Variants in ZBBX observed in about 807,000 individuals in gnomAD.
ZBBX encodes the protein zinc finger B-box domain-containing protein 1.
Under a neutral mutation model 108.5 loss-of-function variants are expected in ZBBX, and 101 were observed. The observed-to-expected ratio is 0.93, with a 90% confidence interval of 0.79 to 1.10. ZBBX has a LOEUF of 1.10. Among genes scored for constraint, ZBBX ranks in the 50% least tolerant of loss-of-function variants. The pLI, the probability that ZBBX is intolerant of heterozygous loss-of-function variation, is 0.00. For missense variants in ZBBX, 1,009 were observed against 941.4 expected, an observed-to-expected ratio of 1.07 and a Z score of -0.94; for synonymous variants, 356 against 323.4, an observed-to-expected ratio of 1.10 and a Z score of -1.08.
chr3:167,373,973 G>C (rs933979904), intron 2 of ZBBX, among the ~76,000 whole-genome samples, 186 bp from the exon 3 acceptor site: 2 of 152,192 alleles, frequency 1.3e-5, no homozygotes, highest in African/African-American at 4.8e-5. Context: ...AACTAAAAGT[G>C]AAGGATACAT....
chr3:167,306,288 A>G (rs1253843296), intron 16 of ZBBX, among the ~76,000 whole-genome samples: 2 of 152,166 alleles, frequency 1.3e-5, no homozygotes, highest in Non-Finnish European at 2.9e-5. Context: ...AAATTTTACA[A>G]CAGTAATTCA....
intron 11 of ZBBX, among the ~76,000 whole-genome samples, chr3:167,327,462 T>C (rs1737600005): frequency 6.6e-6 from 1 of 152,150 alleles, no homozygotes; most frequent in African/African-American, 2.4e-5. Flanking sequence ...GGCCTATAAA[T>C]ATTAAACCAC....
intron 20 of ZBBX, among the ~76,000 whole-genome samples, chr3:167,260,380 T>G (rs1459589623): frequency 6.6e-6 from 1 of 152,220 alleles, no homozygotes. Flanking sequence ...TGTCTAGGTC[T>G]CTAGGAAGGC....
chr3:167,382,325 A>G (rs921302097), upstream of ZBBX, among the ~76,000 whole-genome samples: 4 of 152,192 alleles, frequency 2.6e-5, no homozygotes, highest in African/African-American at 9.7e-5. Context: ...GAAATGAAAC[A>G]TGTCAAAACA....
chr3:167,207,541 G>A, the ZBBX span, among the ~76,000 whole-genome samples: 1 of 152,066 alleles, frequency 6.6e-6, no homozygotes, highest in South Asian at 2.1e-4. Flanking sequence ...AAAATGTGGT[G>A]TATATATACA....
At chr3:167,370,986 G>A (rs1355627630) in intron 4 of ZBBX, among the ~76,000 whole-genome samples, 1 of 152,140 alleles carries the variant, frequency 6.6e-6, no homozygotes, top group African/African-American at 2.4e-5. Flanking sequence ...TAGGGGCTGA[G>A]AAAGAGGTCA....
In ZBBX at chr3:167,328,045, G is replaced by T. The variant is rs201280383; in HGVS notation, c.759C>A (p.Phe253Leu). 3.7e-6 allele frequency: 6 copies of T among 1,613,090 alleles called. No individual in the cohort carries two copies. The highest frequency in any genetic ancestry group is 5.1e-6 in the Non-Finnish European group (6 of 1,179,784). Residue 253 changes from phenylalanine to leucine, a missense_variant, in exon 11 of 22, where the codon TTC becomes TTA. Coordinates refer to ENST00000675490, the MANE Select transcript of ZBBX (RefSeq NM_001199201.2). ...AGGACTGTGCAGAAGCTTCTTCATC[G>T]AATGACCCTTCACACAACAGACTCT... ...PRKSLLCEGS[F>L]DEEASAQSFQ...
chr3:167,251,654 G>A (rs935730723), intron 20 of ZBBX, among the ~76,000 whole-genome samples: 2 of 152,072 alleles, frequency 1.3e-5, no homozygotes, highest in African/African-American at 4.8e-5. Context: ...TGTGTGTGTG[G>A]AGAGAGAGAT....
chr3:167,257,261 T>C (rs547910485), intron 20 of ZBBX, among the ~76,000 whole-genome samples: 1 of 152,320 alleles, frequency 6.6e-6, no homozygotes, highest in East Asian at 1.9e-4. Context: ...TATGTTGATT[T>C]TGTATCCTGC....
the ZBBX span, among the ~76,000 whole-genome samples, chr3:167,181,836 G>A: frequency 6.6e-6 from 1 of 152,098 alleles, no homozygotes. Flanking sequence ...TAATCCTACT[G>A]TCCCCGCTGG....
At chr3:167,296,989 T>C (rs1429822836) in intron 18 of ZBBX, among the ~76,000 whole-genome samples, 3 of 152,014 alleles carry the variant, frequency 2.0e-5, no homozygotes, top group African/African-American at 7.2e-5. Flanking sequence ...ACAAAGATAC[T>C]GTAATCAAAA....
the ZBBX span, among the ~76,000 whole-genome samples, chr3:167,221,260 A>C: frequency 2.3e-5 from 3 of 131,360 alleles, no homozygotes; most frequent in Admixed American, 8.1e-5. Flanking sequence ...ACTTGATTTC[A>C]AGTTATACTA....
intron 8 of ZBBX, among the ~76,000 whole-genome samples, chr3:167,354,309 CA>C: frequency 6.6e-6 from 1 of 151,366 alleles, no homozygotes; most frequent in East Asian, 1.9e-4. Flanking sequence ...ATCATAAAGT[CA>C]AAAAATTGTA....
intron 12 of ZBBX, among the ~76,000 whole-genome samples, chr3:167,319,578 T>C (rs184985159): frequency 6.6e-6 from 1 of 152,056 alleles, no homozygotes; most frequent in Admixed American, 6.6e-5. Flanking sequence ...AAGAAATAAA[T>C]GAGCACTATG....
intron 17 of ZBBX, among the ~76,000 whole-genome samples, chr3:167,301,476 T>C (rs1732657205): frequency 6.6e-6 from 1 of 152,246 alleles, no homozygotes; most frequent in Non-Finnish European, 1.5e-5. Context: ...CCTTTGAGTT[T>C]ATTACTGCTT....
downstream of ZBBX, among the ~76,000 whole-genome samples, chr3:167,237,769 A>AT (rs1390164538): frequency 1.3e-5 from 2 of 152,010 alleles, no homozygotes. Flanking sequence ...TCAAATGACA[A>AT]TTTTTTTATC....
chr3:167,304,406 G>C (rs574268015), intron 17 of ZBBX, among the ~76,000 whole-genome samples: 1 of 152,276 alleles, frequency 6.6e-6, no homozygotes, highest in East Asian at 1.9e-4. Context: ...CTGCTGAAAT[G>C]CATGCTATGA....
chr3:167,330,871 G>GAGAAGAAGAAGAAGAAGAAGAAGA lies in ZBBX; in HGVS notation c.688-2779_688-2756dup, dbSNP rs1303832807. Among the ~76,000 whole-genome samples, 84 of 43,924 alleles carry GAGAAGAAGAAGAAGAAGAAGAAGA rather than the reference G, an allele frequency of 1.9e-3. 2 individuals are homozygous for GAGAAGAAGAAGAAGAAGAAGAAGA. Among genetic ancestry groups the GAGAAGAAGAAGAAGAAGAAGAAGA allele is most frequent in the South Asian group, 3.5e-3 (3 of 852 alleles). The allele number at this position is 43,924 out of a possible 152,430, so 28.8% of individuals were successfully genotyped here. ...GGAGGAGGAGGAGGAGGAGGAGGAG[G>GAGAAGAAGAAGAAGAAGAAGAAGA]AGAAGAAGAAGAAGAAGAAGAAGAA... On this transcript the variant is annotated intron_variant, in intron 10 of 21. Coordinates refer to ENST00000675490, the MANE Select transcript of ZBBX (RefSeq NM_001199201.2).
In ZBBX at chr3:167,325,088, ATTTG is replaced by A. The variant is rs1737119533; in HGVS notation, c.862+2850_863-2852del. ...GATAAAAACAATCTCATCTAATCTG[ATTTG>A]TTTTTTATTTCTTAATCTAACACTG... On this transcript the variant is annotated intron_variant, in intron 11 of 21. Transcript: ENST00000675490. Among the ~76,000 whole-genome samples, 3 of 151,988 alleles carry A rather than the reference ATTTG, an allele frequency of 2.0e-5. No homozygotes were observed. In the South Asian group the frequency reaches 6.2e-4, roughly 31 times the overall value.
Sources: gnomAD v4.1 joint callset for allele counts (sites outside exome capture counted in the v4.1 genomes callset) on GRCh38, gnomAD v4.1.1 for gene constraint, MANE v1.5 for transcripts, NCBI Gene and HGNC (gene_info 2026-07-23, HGNC 2026-07-21) for gene names.